Variants in COL24A1 observed in about 807,000 individuals in gnomAD.
COL24A1 encodes collagen alpha-1(XXIV) chain.
COL24A1 carries 224 observed loss-of-function variants against 253.9 expected under a neutral mutation model. That is an observed-to-expected ratio of 0.88 (90% CI 0.79 to 0.99). COL24A1 has a LOEUF of 0.99. Ranked by LOEUF, COL24A1 falls within the 50% of genes least tolerant of loss-of-function variation. COL24A1 has a pLI of 0.00. For synonymous variants in COL24A1, 685 were observed against 673.7 expected (o/e 1.02, Z -0.26); for missense variants, 2,131 against 2,068.5 (o/e 1.03, Z -0.59).
chr1:85,823,184 T>A lies in COL24A1; in HGVS notation c.3789+352A>T, dbSNP rs570487861. On this transcript the variant is annotated intron_variant, in intron 45 of 59. Coordinates refer to ENST00000370571, the MANE Select transcript of COL24A1 (RefSeq NM_152890.7). ...TTTAATGCTTTCTACAACAATTATA[T>A]AGGTTTGACTGATTTTTTTTACCTT... Among the ~76,000 whole-genome samples the A allele has an allele frequency of 5.9e-5, 9 of 152,306 alleles. No individual in the cohort carries two copies. The South Asian group carries it at 1.9e-3, about 32-fold the overall frequency.
intron 14 of COL24A1, among the ~76,000 whole-genome samples, chr1:86,023,468 A>C (rs1268206762): frequency 6.6e-6 from 1 of 152,172 alleles, no homozygotes; most frequent in Non-Finnish European, 1.5e-5. Context: ...TGATTTTATA[A>C]TTTCAAATTT....
intron 24 of COL24A1, among the ~76,000 whole-genome samples, chr1:85,916,505 C>T (rs1008220428): frequency 6.6e-6 from 1 of 152,074 alleles, no homozygotes; most frequent in Non-Finnish European, 1.5e-5. Context: ...GATCACATCT[C>T]TATAAATAAT....
intron 3 of COL24A1, among the ~76,000 whole-genome samples, chr1:86,119,851 A>G (rs1706549296): frequency 6.6e-6 from 1 of 152,210 alleles, no homozygotes; most frequent in Admixed American, 6.5e-5. Context: ...ATAAATTTAA[A>G]GAACAAAGCT....
chr1:85,985,452 A>G (rs1264116476), intron 20 of COL24A1, among the ~76,000 whole-genome samples: 3 of 151,856 alleles, frequency 2.0e-5, no homozygotes, highest in Non-Finnish European at 3.0e-5. Context: ...GTTAAAAAGT[A>G]CAAGCCTTAA....
chr1:85,957,592 C>T (rs910610036), intron 24 of COL24A1, among the ~76,000 whole-genome samples: 3 of 152,148 alleles, frequency 2.0e-5, no homozygotes, highest in Non-Finnish European at 4.4e-5. Context: ...TAGGATCCTC[C>T]CCTGATTTGC....
chr1:85,912,610 A>G (rs904660696), intron 24 of COL24A1, among the ~76,000 whole-genome samples: 1 of 152,182 alleles, frequency 6.6e-6, no homozygotes, highest in African/African-American at 2.4e-5. Context: ...ATGATCCCAT[A>G]TATATAACAT....
chr1:85,896,773 C>T (rs1447819577), intron 28 of COL24A1, among the ~76,000 whole-genome samples: 2 of 152,216 alleles, frequency 1.3e-5, no homozygotes, highest in African/African-American at 2.4e-5. Flanking sequence ...GCTGGGATTA[C>T]AGGCGTGAGC....
intron 18 of COL24A1, among the ~76,000 whole-genome samples, chr1:86,021,038 A>G (rs193220137): frequency 6.6e-6 from 1 of 152,334 alleles, no homozygotes; most frequent in Non-Finnish European, 1.5e-5. Context: ...AGAGATGTAT[A>G]TAAAATACTG....
At chr1:86,142,905 G>T (rs969298574) in intron 2 of COL24A1, among the ~76,000 whole-genome samples, 1 of 151,992 alleles carries the variant, frequency 6.6e-6, no homozygotes, top group African/African-American at 2.4e-5. Context: ...GATCTTAAGG[G>T]ATTAAAAGGG....
At chr1:85,896,461 T>TC in intron 28 of COL24A1, 52 bp from the exon 29 acceptor site, 1 of 1,472,680 alleles carries the variant, frequency 6.8e-7, no homozygotes, top group Non-Finnish European at 9.5e-7. Context: ...CCTTTTTTTT[T>TC]CTTAACAGTT....
At chr1:86,139,473 G>A (rs1394072011) in intron 2 of COL24A1, among the ~76,000 whole-genome samples, 1 of 152,122 alleles carries the variant, frequency 6.6e-6, no homozygotes, top group Non-Finnish European at 1.5e-5. Flanking sequence ...ATTGGAAGAA[G>A]AAGAATTGTA....
At chr1:86,097,495 TCCTC>T (rs1704021665) in intron 5 of COL24A1, among the ~76,000 whole-genome samples, 1 of 26,818 alleles carries the variant, frequency 3.7e-5, no homozygotes. Flanking sequence ...TCCTCCCTCC[TCCTC>T]CCTTCTCCTC....
At chr1:86,019,918 G>A (rs1328540723) in intron 18 of COL24A1, among the ~76,000 whole-genome samples, 2 of 152,064 alleles carry the variant, frequency 1.3e-5, no homozygotes, top group African/African-American at 4.8e-5. Context: ...TGTTAAAGGT[G>A]AAACAGGCTC....
intron 57 of COL24A1, among the ~76,000 whole-genome samples, chr1:85,738,550 T>C (rs1232066856): frequency 2.0e-5 from 3 of 152,138 alleles, no homozygotes; most frequent in Admixed American, 1.3e-4. Flanking sequence ...TCCAGACTAA[T>C]AGACTGAGAG....
At chr1:85,786,827 T>A (rs1357482440) in intron 47 of COL24A1, among the ~76,000 whole-genome samples, 1 of 152,202 alleles carries the variant, frequency 6.6e-6, no homozygotes, top group East Asian at 1.9e-4. Context: ...GCTGAAAGTC[T>A]CCTTAAGAAG....
intron 13 of COL24A1, among the ~76,000 whole-genome samples, chr1:86,032,123 G>T (rs1382021188): frequency 6.6e-6 from 1 of 152,134 alleles, no homozygotes; most frequent in Non-Finnish European, 1.5e-5. Flanking sequence ...CTTCACAAGT[G>T]CCCTTGGCTA....
intron 3 of COL24A1, among the ~76,000 whole-genome samples, chr1:86,121,933 A>G (rs1040877464): frequency 6.6e-6 from 1 of 152,116 alleles, no homozygotes; most frequent in Non-Finnish European, 1.5e-5. Context: ...AAAGAACTGC[A>G]TGGGTATATA....
intron 3 of COL24A1, among the ~76,000 whole-genome samples, chr1:86,120,225 G>C (rs1239760449): frequency 6.6e-6 from 1 of 152,174 alleles, no homozygotes; most frequent in Admixed American, 6.5e-5. Flanking sequence ...TCAGGACACA[G>C]GCATGGGCAA....
At chr1:85,826,970 G>T (rs1308126318) in intron 43 of COL24A1, among the ~76,000 whole-genome samples, 5 of 151,894 alleles carry the variant, frequency 3.3e-5, no homozygotes, top group Admixed American at 2.0e-4. Flanking sequence ...ATGTTGAATA[G>T]GAGTGGTGAG....
Sources: allele counts gnomAD v4.1 joint callset (sites outside exome capture counted in the v4.1 genomes callset), GRCh38; gene constraint gnomAD v4.1.1; transcripts MANE v1.5; gene names NCBI Gene and HGNC (gene_info 2026-07-23, HGNC 2026-07-21).